Variants in CSMD1 observed in about 807,000 individuals in gnomAD.
The protein encoded by CSMD1 is CUB and sushi domain-containing protein 1.
CSMD1 carries 213 observed loss-of-function variants against 417.5 expected under a neutral mutation model. The observed-to-expected ratio is 0.51, with a 90% CI of 0.46 to 0.57. The LOEUF is 0.57. Among genes scored for constraint, CSMD1 ranks in the 20% least tolerant of loss-of-function variants. The pLI, the probability that CSMD1 is intolerant of heterozygous loss-of-function variation, is 0.00. For synonymous variants in CSMD1, 2,862 were observed against 1,736.8 expected (o/e 1.65, Z -16.11); for missense variants, 6,923 against 4,529.7 (o/e 1.53, Z -15.17).
At chr8:4,119,886 A>C (rs748746425) in intron 3 of CSMD1, among the ~76,000 whole-genome samples, 1 of 152,228 alleles carries the variant, frequency 6.6e-6, no homozygotes, top group Non-Finnish European at 1.5e-5. Flanking sequence ...AAAGTACAGG[A>C]CAGTTGCCGG....
chr8:4,258,079 GAC>G (rs1240643313), intron 3 of CSMD1, among the ~76,000 whole-genome samples: 1 of 151,654 alleles, frequency 6.6e-6, no homozygotes, highest in Non-Finnish European at 1.5e-5. Flanking sequence ...TAGTAACTGG[GAC>G]TACAGGCCCG....
chr8:4,020,909 A>G (rs186007428), intron 4 of CSMD1, among the ~76,000 whole-genome samples: 6 of 152,230 alleles, frequency 3.9e-5, no homozygotes, highest in African/African-American at 1.4e-4. Context: ...TGCTTCAGCA[A>G]TTGCTGAAAC....
At chr8:3,970,309 C>A (rs1301834152) in intron 5 of CSMD1, among the ~76,000 whole-genome samples, 1 of 152,128 alleles carries the variant, frequency 6.6e-6, no homozygotes, top group African/African-American at 2.4e-5. Context: ...AGTAGAGGCA[C>A]GGTGATCAAC....
At chr8:3,009,784 C>T (rs1215454151) in intron 52 of CSMD1, among the ~76,000 whole-genome samples, 2 of 152,154 alleles carry the variant, frequency 1.3e-5, no homozygotes, top group African/African-American at 4.8e-5. Context: ...GAGCATACAA[C>T]ACTCTGTGCT....
At chr8:4,066,249 C>T (rs1358078213) in intron 3 of CSMD1, among the ~76,000 whole-genome samples, 1 of 152,196 alleles carries the variant, frequency 6.6e-6, no homozygotes, top group Admixed American at 6.5e-5. Flanking sequence ...GTCTCCTGTT[C>T]CCACTGCACC....
At chr8:4,206,160 A>C (rs1442669239) in intron 3 of CSMD1, among the ~76,000 whole-genome samples, 1 of 152,130 alleles carries the variant, frequency 6.6e-6, no homozygotes, top group Non-Finnish European at 1.5e-5. Context: ...TATTATTCAG[A>C]ATATATGGAA....
intron 3 of CSMD1, among the ~76,000 whole-genome samples, chr8:4,178,484 G>T (rs1291414042): frequency 6.6e-6 from 1 of 150,882 alleles, no homozygotes; most frequent in Non-Finnish European, 1.5e-5. Context: ...ATACTGAATG[G>T]GCAAAAACTG....
intron 5 of CSMD1, among the ~76,000 whole-genome samples, chr8:3,993,998 G>T (rs778136563): frequency 2.0e-5 from 3 of 152,194 alleles, no homozygotes; most frequent in African/African-American, 4.8e-5. Context: ...ACTGCAAGGG[G>T]ATGGGCGTGC....
At chr8:4,649,171 G>A (rs1803725475) in intron 1 of CSMD1, among the ~76,000 whole-genome samples, 1 of 152,128 alleles carries the variant, frequency 6.6e-6, no homozygotes, top group Admixed American at 6.5e-5. Context: ...AGCCATGAAG[G>A]CAGATACCTT....
At chr8:3,221,625 G>C (rs955991415) in intron 28 of CSMD1, among the ~76,000 whole-genome samples, 2 of 151,890 alleles carry the variant, frequency 1.3e-5, no homozygotes, top group Admixed American at 6.6e-5. Flanking sequence ...TAGAAGTCTG[G>C]AGTGAAATTT....
At chr8:3,994,476 G>C (rs868590516) in intron 5 of CSMD1, among the ~76,000 whole-genome samples, 6 of 133,034 alleles carry the variant, frequency 4.5e-5, no homozygotes, top group African/African-American at 1.7e-4. Flanking sequence ...AGAACACTTG[G>C]CTAGTCTCAC....
chr8:4,414,837 G>C (rs534641829), intron 3 of CSMD1, among the ~76,000 whole-genome samples: 1 of 152,220 alleles, frequency 6.6e-6, no homozygotes, highest in Admixed American at 6.5e-5. Context: ...GCCCTCAAGG[G>C]TACAAAGAGT....
At chr8:4,582,857 G>T (rs185780156) in intron 2 of CSMD1, among the ~76,000 whole-genome samples, 2 of 152,224 alleles carry the variant, frequency 1.3e-5, no homozygotes, top group Admixed American at 1.3e-4. Context: ...CCAGGGCTGT[G>T]CGAGGCACTT....
At chr8:4,449,143 T>G (rs558733781) in intron 2 of CSMD1, among the ~76,000 whole-genome samples, 1 of 152,334 alleles carries the variant, frequency 6.6e-6, no homozygotes, top group South Asian at 2.1e-4. Flanking sequence ...TAACCAGACT[T>G]TGCAAATATT....
At chr8:3,926,098 C>CACAAACACCATACAG (rs1563218218) in intron 5 of CSMD1, among the ~76,000 whole-genome samples, 36 of 81,970 alleles carry the variant, frequency 4.4e-4, no homozygotes, top group African/African-American at 1.7e-3. Context: ...CACACACACA[C>CACAAACACCATACAG]ACACACACAC....
chr8:3,324,264 CGTTGTTAAA>C (rs1806363514), intron 23 of CSMD1, among the ~76,000 whole-genome samples: 2 of 139,398 alleles, frequency 1.4e-5, no homozygotes, highest in African/African-American at 5.5e-5. Flanking sequence ...CACCTTTCAT[CGTTGTTAAA>C]ATAGGCCACA....
At chr8:4,164,222 T>G (rs566590659) in intron 3 of CSMD1, among the ~76,000 whole-genome samples, 5 of 152,288 alleles carry the variant, frequency 3.3e-5, no homozygotes, top group African/African-American at 1.2e-4. Flanking sequence ...ACAAAAATAT[T>G]TGAAATATAC....
intron 3 of CSMD1, among the ~76,000 whole-genome samples, chr8:4,294,309 A>T (rs1797544794): frequency 6.6e-6 from 1 of 152,188 alleles, no homozygotes; most frequent in African/African-American, 2.4e-5. Flanking sequence ...TCCTTTTAAT[A>T]AATAATACGT....
intron 10 of CSMD1, among the ~76,000 whole-genome samples, chr8:3,519,720 A>G (rs948106507): frequency 4.6e-5 from 7 of 152,258 alleles, no homozygotes; most frequent in South Asian, 2.1e-4. Context: ...ACGCTATACA[A>G]TGGGGTTGTG....
Sources: allele counts gnomAD v4.1 joint callset (sites outside exome capture counted in the v4.1 genomes callset), GRCh38; gene constraint gnomAD v4.1.1; transcripts MANE v1.5; gene names NCBI Gene and HGNC (gene_info 2026-07-23, HGNC 2026-07-21).